The following EIF2AK2 variants were observed in gnomAD, a reference collection of about 807,000 sequenced individuals.
EIF2AK2 encodes eukaryotic translation initiation factor 2 alpha kinase 2.
In EIF2AK2, 40 loss-of-function variants were observed where a neutral mutation model predicts 70.5. The ratio of observed to expected loss-of-function variants is 0.57; its 90% CI spans 0.44 to 0.74. EIF2AK2 has a LOEUF of 0.74. EIF2AK2 is among the 30% of genes least tolerant of loss of function. The pLI is 0.00. For synonymous variants in EIF2AK2, 198 were observed against 220.9 expected (o/e 0.90, Z 0.92); for missense variants, 555 against 644.3 (o/e 0.86, Z 1.50).
intron 1 of EIF2AK2, among the ~76,000 whole-genome samples, chr2:37,156,239 T>G (rs943700364): frequency 2.6e-5 from 4 of 152,140 alleles, no homozygotes; most frequent in African/African-American, 9.7e-5. Context: ...GAAGCCAGCG[T>G]GGCCGGAGTA....
chr2:37,136,420 G>A (rs764437872), intron 9 of EIF2AK2, among the ~76,000 whole-genome samples: 2 of 152,034 alleles, frequency 1.3e-5, no homozygotes, highest in African/African-American at 2.4e-5. Context: ...CACAGTAATC[G>A]TGGCTGAGGG....
intron 11 of EIF2AK2, among the ~76,000 whole-genome samples, chr2:37,126,076 G>C (rs148387609): frequency 6.6e-6 from 1 of 152,142 alleles, no homozygotes; most frequent in African/African-American, 2.4e-5. Context: ...GCACCAAAAG[G>C]ATGATCAATG....
chr2:37,132,708 G>T (rs1674987347), intron 10 of EIF2AK2, among the ~76,000 whole-genome samples: 2 of 152,050 alleles, frequency 1.3e-5, no homozygotes, highest in Non-Finnish European at 2.9e-5. Flanking sequence ...AGATATAAAG[G>T]AACAGTTGAA....
At chr2:37,133,263 A>G (rs1249478234) in intron 10 of EIF2AK2, among the ~76,000 whole-genome samples, 1 of 152,128 alleles carries the variant, frequency 6.6e-6, no homozygotes, top group African/African-American at 2.4e-5. Flanking sequence ...CTTTGAACTC[A>G]TGTATGGGAG....
chr2:37,115,095 T>C (rs1424992618), intron 13 of EIF2AK2: 1 of 186,654 alleles, frequency 5.4e-6, no homozygotes, highest in Non-Finnish European at 1.1e-5. Flanking sequence ...TCACCCAAGC[T>C]GGAGTGCAGT....
At chr2:37,135,384 A>G in intron 10 of EIF2AK2, 100 bp downstream of exon 10, 2 of 970,192 alleles carry the variant, frequency 2.1e-6, no homozygotes, top group Non-Finnish European at 3.1e-6. Context: ...TTATTCAAAT[A>G]TTTTTAACTG....
rs144942453 is a variant in EIF2AK2, at chr2:37,138,572, A to T, written c.530T>A (p.Leu177Gln). The change falls in exon 7 of 17, where the codon CTG becomes CAG. Residue 177 changes from leucine to glutamine, a missense_variant. By Grantham distance (113) the Leu-to-Gln change is moderately radical. Transcript: ENST00000233057. ...SEETSVKSDY[L>Q]SSGSFATTCE... ...CGTAGTAGCAAAAGAACCAGAGGACAGGTAGTCAGATTTCTGAAAGAAAAA... is the reference window on the plus strand; with the variant it reads ...CGTAGTAGCAAAAGAACCAGAGGACTGGTAGTCAGATTTCTGAAAGAAAAA... 6.2e-7 allele frequency: 1 copy of T among 1,614,028 alleles called. No individual in the cohort carries two copies.
At chr2:37,155,510 A>G (rs1010926186) in intron 1 of EIF2AK2, among the ~76,000 whole-genome samples, 1 of 152,166 alleles carries the variant, frequency 6.6e-6, no homozygotes, top group African/African-American at 2.4e-5. Flanking sequence ...GCCTTCTTTG[A>G]TGCTGGAGGG....
At chr2:37,126,987 A>AAAAAAAAAAAAAAAAC (rs1674758399) in intron 10 of EIF2AK2, among the ~76,000 whole-genome samples, 2 of 147,744 alleles carry the variant, frequency 1.4e-5, no homozygotes, top group African/African-American at 2.5e-5. Context: ...AAAAAAAAAA[A>AAAAAAAAAAAAAAAAC]AAAAAAAAAA....
chr2:37,156,356 C>T (rs1332306829), intron 1 of EIF2AK2, among the ~76,000 whole-genome samples: 3 of 151,986 alleles, frequency 2.0e-5, no homozygotes, highest in African/African-American at 7.3e-5. Context: ...CTGGTTCTTA[C>T]TTAAAGGAAC....
In EIF2AK2 at chr2:37,109,297, TAA is replaced by T. The variant is rs751013570; in HGVS notation, c.1378-4_1378-3del. 6.2e-7 allele frequency: 1 copy of T among 1,612,732 alleles called. No individual in the cohort carries two copies. Among genetic ancestry groups the T allele is most frequent in the African/African-American group, 1.3e-5 (1 of 75,022 alleles). On this transcript the variant is annotated splice_polypyrimidine_tract_variant and splice_region_variant and intron_variant, in intron 14 of 16. Transcript: ENST00000233057. ...CTTTCCATAGTCTTGCGAAGAAATC[TAA>T]AGAGACCAAAATAGATTTACCTTTG...
chr2:37,140,632 T>G (rs1001337334), intron 5 of EIF2AK2, among the ~76,000 whole-genome samples: 3 of 151,712 alleles, frequency 2.0e-5, no homozygotes, highest in Non-Finnish European at 4.4e-5. Flanking sequence ...CTTCTTTCTT[T>G]TAGGTATCTA....
intron 9 of EIF2AK2, chr2:37,136,766 G>A (rs1266623288): frequency 2.5e-5 from 9 of 356,434 alleles, no homozygotes; most frequent in East Asian, 5.0e-5. Flanking sequence ...TTACTCTAGC[G>A]ATACCCCCAA....
chr2:37,117,365 C>A (rs1048136252), intron 13 of EIF2AK2, among the ~76,000 whole-genome samples: 3 of 152,044 alleles, frequency 2.0e-5, no homozygotes, highest in African/African-American at 7.2e-5. Flanking sequence ...TGGCAAAATC[C>A]TGTCTCCACA....
chr2:37,107,650 G>A, intron 15 of EIF2AK2, 123 bp from the exon 16 acceptor site: 1 of 1,050,074 alleles, frequency 9.5e-7, no homozygotes, highest in Non-Finnish European at 1.4e-6. Flanking sequence ...AGTCTCTTTA[G>A]CCAAGAAGCA....
rs1371459363 is a variant in EIF2AK2, at chr2:37,101,522, G to C, written c.*5751C>G. On this transcript the variant is annotated 3_prime_UTR_variant, in exon 17 of 17. Coordinates refer to ENST00000233057, the MANE Select transcript of EIF2AK2 (RefSeq NM_001135651.3). The stretch of plus-strand genomic sequence containing the variant: ...TGAAAGTGGAACAATCAGACATCAT[G>C]TTCCTCCTGAAATGATGTAAGAGAA... 6.6e-6 allele frequency: 1 copy of C among 152,168 alleles called. No individual in the cohort carries two copies. Among genetic ancestry groups the C allele is most frequent in the African/African-American group, 2.4e-5 (1 of 41,432 alleles). The allele number at this position is 152,168 out of a possible 1,614,324, so 9.4% of individuals were successfully genotyped here. A position where few individuals can be genotyped will look rare whatever the true frequency, so the allele number is the denominator to read the frequency against.
At chr2:37,111,732 GC>G (rs1340924448) in intron 14 of EIF2AK2, among the ~76,000 whole-genome samples, 1 of 13,792 alleles carries the variant, frequency 7.3e-5, no homozygotes, top group Non-Finnish European at 1.2e-3. Flanking sequence ...GGTGGTTTGA[GC>G]CTGTAGTCCT....
chr2:37,107,549 G>A, intron 15 of EIF2AK2, 22 bp from the exon 16 acceptor site: 1 of 1,600,970 alleles, frequency 6.2e-7, no homozygotes, highest in Non-Finnish European at 8.5e-7. Flanking sequence ...AATGATAGGT[G>A]TATATTAGGA....
At chr2:37,153,465 G>T in intron 1 of EIF2AK2, among the ~76,000 whole-genome samples, 1 of 150,404 alleles carries the variant, frequency 6.6e-6, no homozygotes, top group South Asian at 2.1e-4. Context: ...TCAGCCTCCC[G>T]AGTAGCTGGG....
Sources: gnomAD v4.1 joint callset for allele counts (sites outside exome capture counted in the v4.1 genomes callset) on GRCh38, gnomAD v4.1.1 for gene constraint, MANE v1.5 for transcripts, NCBI Gene and HGNC (gene_info 2026-07-23, HGNC 2026-07-21) for gene names.